Variants in UNC13C observed in about 807,000 individuals in gnomAD.
UNC13C encodes the protein protein unc-13 homolog C.
Under a neutral mutation model 245.4 loss-of-function variants are expected in UNC13C, and 174 were observed. That is an observed-to-expected ratio of 0.71 (90% CI 0.63 to 0.80). The LOEUF is 0.80. Among genes scored for constraint, UNC13C ranks in the 30% least tolerant of loss-of-function variants. The pLI, the probability that UNC13C is intolerant of heterozygous loss-of-function variation, is 0.00. For missense variants in UNC13C, 2,829 were observed against 2,602.9 expected, an observed-to-expected ratio of 1.09 and a Z score of -1.89; for synonymous variants, 992 against 895.1, an observed-to-expected ratio of 1.11 and a Z score of -1.93.
intron 8 of UNC13C, 110 bp downstream of exon 8, chr15:54,250,554 C>T (rs924602571): frequency 3.2e-6 from 3 of 923,540 alleles, no homozygotes. Flanking sequence ...CCTACCCGCT[C>T]CCCTCCCACC....
intron 1 of UNC13C, among the ~76,000 whole-genome samples, chr15:53,996,756 A>G (rs1292585381): frequency 2.0e-5 from 3 of 151,390 alleles, no homozygotes; most frequent in African/African-American, 7.3e-5. Flanking sequence ...GCTCAGCATA[A>G]TGTTTATGAA....
At chr15:53,932,234 G>T in the UNC13C span, among the ~76,000 whole-genome samples, 1 of 151,938 alleles carries the variant, frequency 6.6e-6, no homozygotes, top group Non-Finnish European at 1.5e-5. Context: ...GCTTGAACCC[G>T]GGAGGCAGAG....
chr15:54,620,385 C>G (rs1377427411), intron 30 of UNC13C, among the ~76,000 whole-genome samples: 1 of 152,082 alleles, frequency 6.6e-6, no homozygotes, highest in African/African-American at 2.4e-5. Context: ...TTTCCTTAGA[C>G]GTTACTTGTT....
intron 2 of UNC13C, among the ~76,000 whole-genome samples, chr15:54,098,602 T>C (rs563441144): frequency 2.6e-5 from 4 of 152,342 alleles, no homozygotes; most frequent in Middle Eastern, 3.4e-3. Context: ...ACTTCATGTT[T>C]TTTTTTCTTA....
chr15:54,568,614 A>G (rs1897618221), intron 30 of UNC13C, among the ~76,000 whole-genome samples: 1 of 152,182 alleles, frequency 6.6e-6, no homozygotes. Flanking sequence ...AAGATCTGGC[A>G]TTTCTAAGAG....
rs777082179 is a variant in UNC13C at position 54,500,938 on chromosome 15, A to G, written c.5261A>G (p.Asn1754Ser). The G allele has an allele frequency of 6.2e-7, 1 of 1,612,948 alleles. No homozygotes were observed. Among genetic ancestry groups the G allele is most frequent in the East Asian group, 2.2e-5 (1 of 44,860 alleles). The change falls in exon 22 of 33, where the codon AAT (asparagine) becomes AGT (serine). Residue 1754 changes from asparagine (N) to serine (S), a missense_variant. By Grantham distance (46) the Asn-to-Ser change is conservative. Transcript: ENST00000260323. ...FEIIKKLECP[N>S]PEALSHLMRR... Reference sequence around the variant, plus strand: ...ATTATTAAGAAACTGGAATGCCCTAATCCTGAAGCATTATCTCACTTAATG... The same window carrying G: ...ATTATTAAGAAACTGGAATGCCCTAGTCCTGAAGCATTATCTCACTTAATG...
chr15:54,126,687 A>G (rs2031065409), intron 2 of UNC13C, among the ~76,000 whole-genome samples: 1 of 152,306 alleles, frequency 6.6e-6, no homozygotes, highest in South Asian at 2.1e-4. Flanking sequence ...AGCGATGGCA[A>G]CAAAAGCCAA....
intron 7 of UNC13C, among the ~76,000 whole-genome samples, chr15:54,238,211 A>G (rs1467674664): frequency 6.6e-6 from 1 of 150,642 alleles, no homozygotes; most frequent in Non-Finnish European, 1.5e-5. Context: ...AGTAGCTGGG[A>G]CTACAGGTGC....
intron 24 of UNC13C, among the ~76,000 whole-genome samples, chr15:54,512,064 T>G (rs1440658433): frequency 1.3e-5 from 2 of 152,184 alleles, no homozygotes; most frequent in East Asian, 3.9e-4. Context: ...TTTGGTCTTC[T>G]GTGTGTGCGC....
the UNC13C span, among the ~76,000 whole-genome samples, chr15:53,927,548 C>T: frequency 6.6e-6 from 1 of 152,150 alleles, no homozygotes; most frequent in African/African-American, 2.4e-5. Context: ...ACTAACAAGA[C>T]ACTTATTAGA....
intron 17 of UNC13C, 59 bp downstream of exon 17, chr15:54,338,548 T>C: frequency 1.9e-6 from 3 of 1,587,680 alleles, no homozygotes; most frequent in Non-Finnish European, 2.6e-6. Flanking sequence ...TCTGTTTCCA[T>C]AAGTTTAGCA....
intron 2 of UNC13C, among the ~76,000 whole-genome samples, chr15:54,034,888 G>A (rs1409745221): frequency 6.6e-6 from 1 of 152,248 alleles, no homozygotes; most frequent in South Asian, 2.1e-4. Context: ...TAAGAGAACC[G>A]ACGTAGAAAT....
At chr15:53,881,905 G>A in the UNC13C span, among the ~76,000 whole-genome samples, 30 of 152,232 alleles carry the variant, frequency 2.0e-4, no homozygotes, top group East Asian at 5.8e-3. Context: ...TTAATTATCT[G>A]TCTGCTGTCC....
At chr15:54,203,126 A>AAT in intron 4 of UNC13C, among the ~76,000 whole-genome samples, 1 of 152,042 alleles carries the variant, frequency 6.6e-6, no homozygotes, top group South Asian at 2.1e-4. Flanking sequence ...ACCATAATGC[A>AAT]ATACCATCTC....
At chr15:53,857,728 A>G in the UNC13C span, among the ~76,000 whole-genome samples, 1 of 152,206 alleles carries the variant, frequency 6.6e-6, no homozygotes, top group Non-Finnish European at 1.5e-5. Flanking sequence ...AATTATGCAG[A>G]GAAAAGATTC....
intron 30 of UNC13C, among the ~76,000 whole-genome samples, chr15:54,588,068 G>A (rs920765412): frequency 2.6e-5 from 4 of 152,152 alleles, no homozygotes; most frequent in African/African-American, 9.7e-5. Flanking sequence ...AGATTGGAGA[G>A]TCCTAGATAA....
the UNC13C span, among the ~76,000 whole-genome samples, chr15:53,858,196 C>A: frequency 3.9e-5 from 6 of 152,070 alleles, no homozygotes; most frequent in Non-Finnish European, 7.4e-5. Flanking sequence ...AGCATTCCAT[C>A]AATTGGAACT....
intron 17 of UNC13C, among the ~76,000 whole-genome samples, chr15:54,340,053 T>G (rs1306669432): frequency 6.6e-6 from 1 of 152,238 alleles, no homozygotes; most frequent in Non-Finnish European, 1.5e-5. Flanking sequence ...AGGTTGAGCA[T>G]TTTTTCATGT....
the UNC13C span, among the ~76,000 whole-genome samples, chr15:53,932,413 C>T: frequency 0.92 from 139,525 of 152,172 alleles, 64,632 homozygotes; most frequent in Middle Eastern, 0.98. Flanking sequence ...TCACAGGTAC[C>T]CCATTCTAAA....
Sources: gnomAD v4.1 joint callset for allele counts (sites outside exome capture counted in the v4.1 genomes callset) on GRCh38, gnomAD v4.1.1 for gene constraint, MANE v1.5 for transcripts, NCBI Gene and HGNC (gene_info 2026-07-23, HGNC 2026-07-21) for gene names.